ITGB3BP: variants seen among roughly 807,000 people sequenced by gnomAD.
ITGB3BP encodes the protein centromere protein R.
Under a neutral mutation model 29.1 loss-of-function variants are expected in ITGB3BP, and 27 were observed. The observed-to-expected ratio is 0.93, with a 90% CI of 0.68 to 1.28. The LOEUF is 1.28. ITGB3BP is among the 50% of genes most tolerant of loss of function. The probability of loss-of-function intolerance (pLI) is 0.00; values close to 1 mark genes in which losing one functional copy is unlikely to be tolerated. For synonymous variants in ITGB3BP, 61 were observed against 61.4 expected (o/e 0.99, Z 0.03); for missense variants, 192 against 200.2 (o/e 0.96, Z 0.25).
At chr1:63,446,580 G>C (rs929607322) in intron 8 of ITGB3BP, 1 of 491,370 alleles carries the variant, frequency 2.0e-6, no homozygotes, top group East Asian at 3.2e-5. Context: ...AGTTAGCGTC[G>C]TCAGCTCAAC....
At chr1:63,484,102 C>G (rs898352270) in intron 3 of ITGB3BP, among the ~76,000 whole-genome samples, 3 of 152,066 alleles carry the variant, frequency 2.0e-5, no homozygotes, top group Admixed American at 6.5e-5. Flanking sequence ...ATCAAAAATA[C>G]TTTGTTTAAA....
chr1:63,526,283 A>G (rs1362331169), upstream of ITGB3BP, among the ~76,000 whole-genome samples: 5 of 152,224 alleles, frequency 3.3e-5, no homozygotes, highest in Middle Eastern at 3.4e-3. Flanking sequence ...TCCTCTCATT[A>G]CAAAGGTCCC....
chr1:63,466,540 A>G (rs1165665499), intron 4 of ITGB3BP, among the ~76,000 whole-genome samples: 4 of 152,346 alleles, frequency 2.6e-5, no homozygotes, highest in Admixed American at 2.6e-4. Flanking sequence ...ACATATCTAC[A>G]AGGCTAGTTT....
chr1:63,523,428 A>C, upstream of ITGB3BP: 1 of 500,894 alleles, frequency 2.0e-6, no homozygotes, highest in Non-Finnish European at 3.6e-6. Context: ...GGAGCAACAC[A>C]GCTGTCTCTG....
At chr1:63,522,830 C>A in intron 1 of ITGB3BP, 1 of 528,748 alleles carries the variant, frequency 1.9e-6, no homozygotes, top group South Asian at 1.7e-5. Flanking sequence ...TCTGTCCCAT[C>A]CTGTGTGTCA....
At chr1:63,457,542 G>T (rs998582505) in intron 4 of ITGB3BP, 1 of 151,998 alleles carries the variant, frequency 6.6e-6, no homozygotes, top group African/African-American at 2.4e-5. Context: ...GAAAACCAAC[G>T]ATCTTTCATT....
chr1:63,459,981 A>G lies in ITGB3BP; in HGVS notation c.255-5013T>C, dbSNP rs531016382. On this transcript the variant is annotated intron_variant, in intron 4 of 8. Transcript: ENST00000271002. ...TTTCCTGAAGACTGATCACAAAAAA[A>G]TCTGGTCAATATAAATAAAATTGAC... 3.3e-5 allele frequency among the ~76,000 whole-genome samples: 5 copies of G among 152,188 alleles called. No homozygotes were observed. The South Asian group carries it at 8.3e-4, about 25-fold the overall frequency.
intron 1 of ITGB3BP, among the ~76,000 whole-genome samples, chr1:63,520,753 A>G (rs1026970033): frequency 3.3e-5 from 5 of 152,182 alleles, no homozygotes; most frequent in East Asian, 1.9e-4. Context: ...CTGGGTATAC[A>G]TGCATCTATT....
chr1:63,486,056 G>C (rs1645522732), intron 3 of ITGB3BP, among the ~76,000 whole-genome samples: 1 of 151,878 alleles, frequency 6.6e-6, no homozygotes, highest in Non-Finnish European at 1.5e-5. Flanking sequence ...ACTCCAATTT[G>C]GCAGATGTTG....
rs193002624 is a variant in ITGB3BP, at chr1:63,480,628, T to G, written c.185-1795A>C. Among the ~76,000 whole-genome samples the G allele has an allele frequency of 1.6e-3, 241 of 151,874 alleles. 3 individuals are homozygous for G. Among genetic ancestry groups the G allele is most frequent in the African/African-American group, 5.4e-3 (223 of 41,438 alleles). On this transcript the variant is annotated intron_variant, in intron 3 of 8. Coordinates refer to ENST00000271002, the MANE Select transcript of ITGB3BP (RefSeq NM_014288.5). ...TCATTGTTACTTTGGACCTATGTCT[T>G]CCTCAAAAAAAACAAAACAAAAAAA...
intron 1 of ITGB3BP, among the ~76,000 whole-genome samples, chr1:63,513,165 TAAG>T (rs1250815306): frequency 1.3e-5 from 2 of 152,296 alleles, no homozygotes; most frequent in South Asian, 2.1e-4. Flanking sequence ...ATGTAGTAAA[TAAG>T]AAATCTTATA....
intron 4 of ITGB3BP, among the ~76,000 whole-genome samples, chr1:63,466,950 G>A (rs1645109235): frequency 6.6e-6 from 1 of 152,006 alleles, no homozygotes; most frequent in Admixed American, 6.6e-5. Context: ...TGGCTCTTTC[G>A]GCCTGCAGAT....
At position 63,469,140 on chromosome 1, in the gene ITGB3BP, GCAA is replaced by G. The variant is rs538701184; in HGVS notation, c.254+9621_254+9623del. On this transcript the variant is annotated intron_variant, in intron 4 of 8. Coordinates refer to ENST00000271002, the MANE Select transcript of ITGB3BP (RefSeq NM_014288.5). Reference sequence around the variant, plus strand: ...TGTCAGTTTCTTCACCGTTGTTAGGGCAATAACATTATCTACCTCACTGGGTTG... The same window carrying G: ...TGTCAGTTTCTTCACCGTTGTTAGGGTAACATTATCTACCTCACTGGGTTG... 3.8e-3 allele frequency among the ~76,000 whole-genome samples: 581 copies of G among 151,714 alleles called. 3 individuals are homozygous for G. The highest frequency in any genetic ancestry group is 0.013 in the African/African-American group (559 of 41,432).
chr1:63,444,330 C>T (rs551012135), intron 8 of ITGB3BP, among the ~76,000 whole-genome samples: 5 of 151,850 alleles, frequency 3.3e-5, no homozygotes, highest in Admixed American at 6.6e-5. Flanking sequence ...TATCTATGAT[C>T]ACCACCTAAT....
intron 4 of ITGB3BP, among the ~76,000 whole-genome samples, chr1:63,469,658 G>A (rs1645162032): frequency 6.6e-6 from 1 of 152,122 alleles, no homozygotes; most frequent in Non-Finnish European, 1.5e-5. Flanking sequence ...GAACACTTAT[G>A]GGCATATCTA....
intron 4 of ITGB3BP, among the ~76,000 whole-genome samples, chr1:63,463,592 A>G (rs1029809665): frequency 1.8e-4 from 27 of 152,356 alleles, no homozygotes; most frequent in Non-Finnish European, 1.5e-5. Flanking sequence ...CAGGACAGTC[A>G]CCATTACTGC....
At chr1:63,502,653 A>AT (rs1645964277) in intron 2 of ITGB3BP, among the ~76,000 whole-genome samples, 1 of 137,212 alleles carries the variant, frequency 7.3e-6, no homozygotes. Flanking sequence ...TCCTAATGCT[A>AT]TCCCTCTCCC....
At chr1:63,524,396 C>T (rs1042188972), upstream of ITGB3BP, among the ~76,000 whole-genome samples, 6 of 152,172 alleles carry the variant, frequency 3.9e-5, no homozygotes, top group Non-Finnish European at 8.8e-5. Context: ...ATGAAAGTGT[C>T]AGGCAGGCGG....
intron 1 of ITGB3BP, among the ~76,000 whole-genome samples, chr1:63,522,147 C>A (rs1019047509): frequency 1.3e-5 from 2 of 152,146 alleles, no homozygotes; most frequent in Non-Finnish European, 2.9e-5. Context: ...ATAATAGCAG[C>A]CCCCATCCCC....
Sources: gnomAD v4.1 joint callset for allele counts (sites outside exome capture counted in the v4.1 genomes callset) on GRCh38, gnomAD v4.1.1 for gene constraint, MANE v1.5 for transcripts, NCBI Gene and HGNC (gene_info 2026-07-23, HGNC 2026-07-21) for gene names.